The following PRDX4 variants were observed in gnomAD, a reference collection of about 807,000 sequenced individuals.
The protein encoded by PRDX4 is peroxiredoxin-4.
In PRDX4, 12 loss-of-function variants were observed where a neutral mutation model predicts 20.5. The observed-to-expected ratio is 0.58, with a 90% CI of 0.37 to 0.95. The LOEUF is 0.95. Ranked by LOEUF, PRDX4 falls within the 40% of genes least tolerant of loss-of-function variation. PRDX4 has a pLI of 0.01. For synonymous variants in PRDX4, 99 were observed against 87.5 expected (o/e 1.13, Z -0.73); for missense variants, 180 against 207.3 (o/e 0.87, Z 0.81).
intron 4 of PRDX4, among the ~76,000 whole-genome samples, chrX:23,681,931 C>G (rs757215201): frequency 6.3e-5 from 7 of 111,524 alleles, no homozygotes; most frequent in Non-Finnish European, 1.1e-4. Flanking sequence ...GTCCCAGCTA[C>G]TCAGTAGGCT....
intron 3 of PRDX4, among the ~76,000 whole-genome samples, chrX:23,677,807 A>G (rs750589395): frequency 1.1e-4 from 12 of 107,813 alleles, no homozygotes; most frequent in Non-Finnish European, 1.9e-4. Flanking sequence ...TTTATAAAGC[A>G]AAAAAAAAAG....
chrX:23,675,871 C>G (rs6629718), intron 3 of PRDX4, among the ~76,000 whole-genome samples: 22,884 of 110,963 alleles, frequency 0.21, 1,891 homozygotes, highest in African/African-American at 0.31. Flanking sequence ...GCTCATGCCT[C>G]TAATCCCAGC....
rs763752402 is a variant in PRDX4 at position 23,684,622 on chromosome X, C to A, written c.765+917C>A. On this transcript the variant is annotated intron_variant, in intron 6 of 6. Transcript: ENST00000379341. Reference sequence around the variant, plus strand: ...TTCATGCAATTCTCATGCCTCAGCCCCCTAAGTAGCTGGGACTACAAGCCT... The same window carrying A: ...TTCATGCAATTCTCATGCCTCAGCCACCTAAGTAGCTGGGACTACAAGCCT... 3.0e-3 allele frequency among the ~76,000 whole-genome samples: 335 copies of A among 110,138 alleles called. 2 individuals are homozygous for A. The highest frequency in any genetic ancestry group is 4.2e-3 in the Non-Finnish European group (223 of 52,768).
chrX:23,676,887 G>A (rs774805740), intron 3 of PRDX4, among the ~76,000 whole-genome samples: 212 of 110,803 alleles, frequency 1.9e-3, no homozygotes, highest in African/African-American at 6.4e-3. Flanking sequence ...CCAGGCTGGA[G>A]TGCAGTGGCA....
intron 1 of PRDX4, among the ~76,000 whole-genome samples, chrX:23,670,836 A>G (rs1601788944): frequency 8.9e-6 from 1 of 112,019 alleles, no homozygotes; most frequent in South Asian, 3.7e-4. Context: ...CATTTTGTGT[A>G]GCCTCATCTG....
At chrX:23,683,766 C>A in intron 6 of PRDX4, 61 bp downstream of exon 6, 13 of 1,040,342 alleles carry the variant, frequency 1.2e-5, no homozygotes, top group Non-Finnish European at 1.7e-5. Context: ...AAATGCTGGC[C>A]GGGCGCAGTG....
chrX:23,686,127 G>A (rs1017076908), intron 6 of PRDX4, 158 bp from the exon 7 acceptor site: 10 of 467,826 alleles, frequency 2.1e-5, no homozygotes, highest in African/African-American at 7.3e-5. Flanking sequence ...TGGAATAGCC[G>A]AAATTAGTAG....
At position 23,667,780 on chromosome X, in the gene PRDX4, C is replaced by G; in HGVS notation, c.210C>G (p.Ala70=). ...GAGAGGCATCCCGGGTATCGGTCGC[C>G]GACCACTCCCTGCACCTAAGCAAAG... The part of the protein sequence containing the change: ...YPGEASRVSV[A]DHSLHLSKAK... Residue 70 remains alanine, a synonymous_variant, in exon 1 of 7, where the codon GCC becomes GCG. Transcript: ENST00000379341. 1 of 1,211,331 alleles carries G rather than the reference C, an allele frequency of 8.3e-7. No homozygotes were observed. Among genetic ancestry groups the G allele is most frequent in the Non-Finnish European group, 1.1e-6 (1 of 895,327 alleles).
chrX:23,667,699 G>A lies in PRDX4; in HGVS notation c.129G>A (p.Arg43=), dbSNP rs766263408. ...GAVQGWETEE[R]PRTREEECHF... ...TGCAGGGCTGGGAGACAGAGGAGAG[G>A]CCCCGGACTCGCGAAGAGGAGTGCC... The change falls in exon 1 of 7, where the codon AGG becomes AGA. Residue 43 remains arginine (R), a synonymous_variant. Coordinates refer to ENST00000379341, the MANE Select transcript of PRDX4 (RefSeq NM_006406.2). The A allele has an allele frequency of 5.8e-6, 7 of 1,210,092 alleles. No individual in the cohort carries two copies. The highest frequency in any genetic ancestry group is 7.8e-6 in the Non-Finnish European group (7 of 895,082).
chrX:23,685,964 C>A (rs1417423013), intron 6 of PRDX4: 7 of 327,587 alleles, frequency 2.1e-5, no homozygotes, highest in Admixed American at 4.3e-5. Flanking sequence ...ACATTAACAT[C>A]TGTAGCCATG....
intron 4 of PRDX4, among the ~76,000 whole-genome samples, chrX:23,679,827 C>G (rs1450393259): frequency 9.4e-6 from 1 of 106,930 alleles, no homozygotes; most frequent in African/African-American, 3.4e-5. Flanking sequence ...CTAAAAAATA[C>G]AAAAATTAGC....
intron 3 of PRDX4, among the ~76,000 whole-genome samples, chrX:23,676,351 A>G: frequency 9.0e-6 from 1 of 110,789 alleles, no homozygotes; most frequent in South Asian, 3.7e-4. Flanking sequence ...AAATGCAGTT[A>G]TATATTTAAT....
chrX:23,678,657 G>A (rs1659041124), intron 3 of PRDX4, among the ~76,000 whole-genome samples: 1 of 109,576 alleles, frequency 9.1e-6, no homozygotes, highest in Admixed American at 9.8e-5. Context: ...GTTGTAGGCT[G>A]AGCACAATGG....
intron 4 of PRDX4, among the ~76,000 whole-genome samples, chrX:23,679,673 GAA>G (rs776137241): frequency 4.3e-5 from 3 of 69,436 alleles, no homozygotes; most frequent in Non-Finnish European, 2.7e-5. Flanking sequence ...GCGACAGAGT[GAA>G]AAAAAAAAAA....
chrX:23,684,019 T>C (rs1438795082), intron 6 of PRDX4, among the ~76,000 whole-genome samples: 1 of 90,469 alleles, frequency 1.1e-5, no homozygotes. Flanking sequence ...CTGCACTCCA[T>C]GCTGGGCGAC....
intron 5 of PRDX4, among the ~76,000 whole-genome samples, chrX:23,683,037 A>G (rs56027418): frequency 9.3e-6 from 1 of 107,969 alleles, no homozygotes; most frequent in African/African-American, 3.3e-5. Context: ...TTAGTGATGT[A>G]GTTTTCATTT....
intron 1 of PRDX4, among the ~76,000 whole-genome samples, chrX:23,670,253 G>A (rs958667289): frequency 4.5e-5 from 5 of 111,291 alleles, no homozygotes; most frequent in African/African-American, 1.6e-4. Flanking sequence ...TCATTAAGGC[G>A]TGTCATTGTA....
chrX:23,670,331 A>G (rs924506249), intron 1 of PRDX4, among the ~76,000 whole-genome samples: 1 of 112,152 alleles, frequency 8.9e-6, no homozygotes, highest in African/African-American at 3.2e-5. Context: ...TAAAGTATAT[A>G]TAATTGAATA....
chrX:23,675,550 A>C (rs1285530802), intron 3 of PRDX4: 2 of 120,356 alleles, frequency 1.7e-5, no homozygotes, highest in Non-Finnish European at 3.4e-5. Flanking sequence ...AAAATGTTTA[A>C]AAATTCATTA....
Sources: allele counts gnomAD v4.1 joint callset (sites outside exome capture counted in the v4.1 genomes callset), GRCh38; gene constraint gnomAD v4.1.1; transcripts MANE v1.5; gene names NCBI Gene and HGNC (gene_info 2026-07-23, HGNC 2026-07-21).